SPON1: variants seen among roughly 807,000 people sequenced by gnomAD.
SPON1 encodes the protein spondin 1.
Under a neutral mutation model 111.7 loss-of-function variants are expected in SPON1, and 52 were observed. The observed-to-expected ratio is 0.47, with a 90% confidence interval of 0.37 to 0.59. The LOEUF is 0.59. Among genes scored for constraint, SPON1 ranks in the 20% least tolerant of loss-of-function variants. SPON1 has a pLI of 0.00. For synonymous variants in SPON1, 410 were observed against 395.8 expected (o/e 1.04, Z -0.43); for missense variants, 957 against 1,068.5 (o/e 0.90, Z 1.46).
intron 2 of SPON1, among the ~76,000 whole-genome samples, chr11:13,985,927 C>A (rs187714102): frequency 3.2e-4 from 48 of 152,306 alleles, no homozygotes; most frequent in Non-Finnish European, 5.6e-4. Flanking sequence ...GAATCATAGC[C>A]CATGCCCCTC....
At chr11:14,245,839 A>C (rs1848983373) in intron 7 of SPON1, among the ~76,000 whole-genome samples, 2 of 152,214 alleles carry the variant, frequency 1.3e-5, no homozygotes, top group South Asian at 4.1e-4. Context: ...GAGAAGCAAC[A>C]CGAGGCAGGG....
At chr11:14,229,521 T>C (rs1848772806) in intron 6 of SPON1, among the ~76,000 whole-genome samples, 1 of 152,154 alleles carries the variant, frequency 6.6e-6, no homozygotes, top group South Asian at 2.1e-4. Context: ...GATTAAGTCA[T>C]CAGAGGCACC....
chr11:14,262,892 T>C lies in SPON1; in HGVS notation c.2177T>C (p.Ile726Thr), dbSNP rs782577560. ...RIRKCLRNPS[I>T]QKLRWREARE... The stretch of plus-strand genomic sequence containing the variant: ...CGAAAATGCCTTCGAAATCCATCCA[T>C]CCAAAAGCTACGCTGGAGGGAGGCC... The change falls in exon 15 of 16, where the codon ATC becomes ACC. Residue 726 changes from isoleucine (I) to threonine (T), a missense_variant. Coordinates refer to ENST00000576479, the MANE Select transcript of SPON1 (RefSeq NM_006108.4). 21 of 1,613,530 alleles carry C rather than the reference T, an allele frequency of 1.3e-5. 1 individual carries two copies. The South Asian group carries it at 1.9e-4, about 14-fold the overall frequency.
intron 6 of SPON1, among the ~76,000 whole-genome samples, chr11:14,195,388 G>T (rs1166793319): frequency 6.6e-6 from 1 of 152,106 alleles, no homozygotes; most frequent in African/African-American, 2.4e-5. Flanking sequence ...GATATTAATG[G>T]CAAAGACAAA....
chr11:14,117,444 A>T (rs1554926084), intron 5 of SPON1, among the ~76,000 whole-genome samples: 1 of 152,182 alleles, frequency 6.6e-6, no homozygotes, highest in African/African-American at 2.4e-5. Context: ...GAACATATTC[A>T]TGTAATTTTT....
intron 6 of SPON1, among the ~76,000 whole-genome samples, chr11:14,227,226 G>T (rs900582372): frequency 6.6e-6 from 1 of 152,052 alleles, no homozygotes; most frequent in African/African-American, 2.4e-5. Context: ...TGCCCAGGCT[G>T]GTCTCAATCT....
At position 14,072,967 on chromosome 11, in the gene SPON1, T is replaced by G. The variant is rs536494957; in HGVS notation, c.480-2378T>G. 3.9e-5 allele frequency among the ~76,000 whole-genome samples: 6 copies of G among 152,306 alleles called. No individual in the cohort carries two copies. In the South Asian group the frequency reaches 8.3e-4, roughly 21 times the overall value. ...CATCTCATACAGGTCGAGTATTCCT[T>G]ATCCAAAATGACTGGGACCAGAAAT... On this transcript the variant is annotated intron_variant, in intron 3 of 15. Coordinates refer to ENST00000576479, the MANE Select transcript of SPON1 (RefSeq NM_006108.4).
chr11:14,206,239 G>A (rs1303718443), intron 6 of SPON1, among the ~76,000 whole-genome samples: 1 of 152,018 alleles, frequency 6.6e-6, no homozygotes, highest in Non-Finnish European at 1.5e-5. Context: ...TGTCACCCAG[G>A]CTGGAATGCA....
At chr11:14,107,953 C>T (rs782074891) in intron 5 of SPON1, among the ~76,000 whole-genome samples, 6 of 152,112 alleles carry the variant, frequency 3.9e-5, no homozygotes, top group South Asian at 2.1e-4. Flanking sequence ...AGCTACTTAA[C>T]GTGTCTGTGC....
intron 2 of SPON1, among the ~76,000 whole-genome samples, chr11:14,010,434 C>T (rs942282747): frequency 5.3e-5 from 8 of 151,678 alleles, no homozygotes; most frequent in East Asian, 1.9e-4. Context: ...AAAGGAGGGA[C>T]GAGGTTGAGG....
At chr11:14,106,782 G>A (rs1439761806) in intron 5 of SPON1, among the ~76,000 whole-genome samples, 2 of 152,174 alleles carry the variant, frequency 1.3e-5, no homozygotes, top group Admixed American at 1.3e-4. Context: ...CAGGGAGTAG[G>A]ATAGTTGTAA....
chr11:13,963,214 G>T, intron 1 of SPON1, 72 bp downstream of exon 1: 10 of 1,206,814 alleles, frequency 8.3e-6, no homozygotes, highest in East Asian at 3.0e-5. Context: ...TCGCGGTGCC[G>T]GAGGAGGGCG....
intron 1 of SPON1, among the ~76,000 whole-genome samples, chr11:13,978,243 A>G (rs944980649): frequency 6.6e-6 from 1 of 152,092 alleles, no homozygotes; most frequent in Admixed American, 6.6e-5. Context: ...GGCCCTTTGC[A>G]TTTCCATATA....
At chr11:14,160,067 G>A (rs1277284324) in intron 6 of SPON1, among the ~76,000 whole-genome samples, 1 of 151,756 alleles carries the variant, frequency 6.6e-6, no homozygotes, top group Non-Finnish European at 1.5e-5. Context: ...TAACTCAAAG[G>A]ATAAATGCTT....
intron 7 of SPON1, among the ~76,000 whole-genome samples, chr11:14,247,496 T>C (rs914021096): frequency 1.3e-5 from 2 of 152,124 alleles, no homozygotes; most frequent in African/African-American, 4.8e-5. Flanking sequence ...TCGGCCCCTG[T>C]GTGAAAGGGT....
rs570468598 is a variant in SPON1 at position 14,192,012 on chromosome 11, C to A, written c.826-51320C>A. Among the ~76,000 whole-genome samples, 10 of 151,918 alleles carry A rather than the reference C, an allele frequency of 6.6e-5. No homozygotes were observed. In the East Asian group the frequency reaches 1.9e-3, roughly 29 times the overall value. On this transcript the variant is annotated intron_variant, in intron 6 of 15. Transcript: ENST00000576479. ...TCAGTTTAGTAGTAAGAATGATCAACCAAAAGAACAAAAGTAATCAGAAGC... is the reference window on the plus strand; with the variant it reads ...TCAGTTTAGTAGTAAGAATGATCAAACAAAAGAACAAAAGTAATCAGAAGC...
chr11:13,970,628 T>C (rs1439736208), intron 1 of SPON1, among the ~76,000 whole-genome samples: 1 of 152,126 alleles, frequency 6.6e-6, no homozygotes, highest in East Asian at 1.9e-4. Flanking sequence ...TCCCCCCAAC[T>C]CCTGCCAACA....
At chr11:14,264,683 G>A (rs1554942291) in intron 15 of SPON1, among the ~76,000 whole-genome samples, 1 of 152,162 alleles carries the variant, frequency 6.6e-6, no homozygotes, top group African/African-American at 2.4e-5. Flanking sequence ...ATTCCTCCAT[G>A]ACTCTTAGCT....
chr11:13,971,654 G>A (rs992046364), intron 1 of SPON1, among the ~76,000 whole-genome samples: 1 of 151,950 alleles, frequency 6.6e-6, no homozygotes, highest in African/African-American at 2.4e-5. Flanking sequence ...AAGAAAAGGT[G>A]GCCCTTTTCC....
Sources: allele counts gnomAD v4.1 joint callset (sites outside exome capture counted in the v4.1 genomes callset), GRCh38; gene constraint gnomAD v4.1.1; transcripts MANE v1.5; gene names NCBI Gene and HGNC (gene_info 2026-07-23, HGNC 2026-07-21).